Variants in MKI67 observed in about 807,000 individuals in gnomAD.
The protein encoded by MKI67 is marker of proliferation Ki-67, also known as proliferation marker protein Ki-67.
Under a neutral mutation model 233.5 loss-of-function variants are expected in MKI67, and 152 were observed. The observed-to-expected ratio is 0.65, with a 90% confidence interval of 0.57 to 0.74. The LOEUF (loss-of-function observed/expected upper bound fraction) is 0.74. Ranked by LOEUF, MKI67 falls within the 30% of genes least tolerant of loss-of-function variation. The pLI is 0.00. For synonymous variants in MKI67, 1,465 were observed against 1,418.5 expected (o/e 1.03, Z -0.74); for missense variants, 3,940 against 3,885.2 (o/e 1.01, Z -0.37).
chr10:128,112,655 G>T (rs1819887555), intron 8 of MKI67, among the ~76,000 whole-genome samples: 1 of 152,198 alleles, frequency 6.6e-6, no homozygotes, highest in Non-Finnish European at 1.5e-5. Flanking sequence ...TCTGAAGTGA[G>T]GTCATTTCAG....
rs758221921 is a variant in MKI67, at chr10:128,112,383, T to C, written c.1719A>G (p.Ala573=). 2 of 1,614,242 alleles carry C rather than the reference T, an allele frequency of 1.2e-6. No individual in the cohort carries two copies. Among genetic ancestry groups the C allele is most frequent in the East Asian group, 4.5e-5 (2 of 44,890 alleles). The change falls in exon 9 of 15, where the codon GCA becomes GCG. Residue 573 remains alanine, a synonymous_variant. Transcript: ENST00000368654. ...CTGGAGGGCTTATAACCAAGCTTTG[T>C]GCCTTCACTTCCACATGGATTTCTG... ...SGSEIHVEVK[A]QSLVISPPAP...
intron 2 of MKI67, among the ~76,000 whole-genome samples, chr10:128,123,580 T>C (rs1331561002): frequency 3.9e-5 from 6 of 152,250 alleles, no homozygotes; most frequent in Non-Finnish European, 2.9e-5. Flanking sequence ...ATGTGCTTAT[T>C]TGATGCTAGC....
intron 4 of MKI67, among the ~76,000 whole-genome samples, chr10:128,121,049 G>A (rs1349778053): frequency 6.6e-6 from 1 of 151,988 alleles, no homozygotes; most frequent in Non-Finnish European, 1.5e-5. Context: ...AAGGAAATTA[G>A]TTTAACCATA....
At chr10:128,100,928 G>C (rs1401169642) in intron 14 of MKI67, among the ~76,000 whole-genome samples, 1 of 152,198 alleles carries the variant, frequency 6.6e-6, no homozygotes. Flanking sequence ...TTGAACTACA[G>C]AAAGGCTGAA....
intron 11 of MKI67, 100 bp from the exon 12 acceptor site, chr10:128,110,633 G>A: frequency 1.2e-6 from 1 of 830,878 alleles, no homozygotes; most frequent in Non-Finnish European, 1.8e-6. Context: ...GGAAATAACA[G>A]TAGATTCCTC....
chr10:128,117,583 T>C (rs892832466), intron 5 of MKI67, among the ~76,000 whole-genome samples: 2 of 152,252 alleles, frequency 1.3e-5, no homozygotes, highest in Non-Finnish European at 2.9e-5. Flanking sequence ...ATCTGGATTA[T>C]TAAGAAAATA....
rs575327091 is a variant in MKI67 at position 128,125,718 on chromosome 10, C to A, written c.-51G>T. ...TCCGTAGGGGAAGGCCAGGTATAAT[C>A]CGTAGGGGAAGGCCAGAAGCAAATT... On this transcript the variant is annotated 5_prime_UTR_variant, in exon 2 of 15. Transcript: ENST00000368654. This position sits in a 1 kb window ranked among gnomAD's most constrained non-coding sequence, Gnocchi z 5.3. The A allele has an allele frequency of 4.7e-6, 7 of 1,493,470 alleles. No homozygotes were observed. In the African/African-American group the frequency reaches 6.9e-5, roughly 15 times the overall value. The allele number at this position is 1,493,470 out of a possible 1,614,324, so 92.5% of individuals were successfully genotyped here.
chr10:128,112,513 A>G lies in MKI67; in HGVS notation c.1657-68T>C, dbSNP rs1254527569. On this transcript the variant is annotated intron_variant, in intron 8 of 14. Transcript: ENST00000368654. ...TAACATCTCTGGAATGACTGATAAA[A>G]ACCTATTCAGTTAAGAATTTCAGCT... 3 of 1,428,134 alleles carry G rather than the reference A, an allele frequency of 2.1e-6. No homozygotes were observed. The African/African-American group carries it at 4.3e-5, about 20-fold the overall frequency. The allele number at this position is 1,428,134 out of a possible 1,614,324, so 88.5% of individuals were successfully genotyped here.
Position 128,106,053 on chromosome 10 carries a change from G to T in MKI67, c.5787C>A (p.Asp1929Glu), listed in dbSNP as rs200682887. 1 of 1,614,040 alleles carries T rather than the reference G, an allele frequency of 6.2e-7. No individual in the cohort carries two copies. Among genetic ancestry groups the T allele is most frequent in the African/African-American group, 1.3e-5 (1 of 74,966 alleles). ...TFVGTPVEKL[D>E]LLGNLPGSKR... ...TGCTGCCAGGTAAATTTCCTAGCAG[G>T]TCCAGTTTCTCCACTGGAGTCCCCA... The change falls in exon 13 of 15, where the codon GAC becomes GAA. Residue 1929 changes from aspartate (D) to glutamate (E), a missense_variant. Transcript: ENST00000368654.
chr10:128,108,005 C>T lies in MKI67; in HGVS notation c.3835G>A (p.Glu1279Lys). 1.2e-6 allele frequency: 2 copies of T among 1,613,640 alleles called. No individual in the cohort carries two copies. The highest frequency in any genetic ancestry group is 1.1e-5 in the South Asian group (1 of 91,054). ...TTCCTGCACGCTAAGAGTTCTCCCTCTACATCTGCTTTCCTGATACTTCTC... is the reference window on the plus strand; with the variant it reads ...TTCCTGCACGCTAAGAGTTCTCCCTTTACATCTGCTTTCCTGATACTTCTC... ...PKRSIRKADV[E>K]GELLACRNLM... Residue 1279 changes from glutamate (E) to lysine (K), a missense_variant, in exon 13 of 15, where the codon GAG becomes AAG. Physicochemically the swap from Glu to Lys is moderately conservative, Grantham distance 56. Transcript: ENST00000368654.
Position 128,107,899 on chromosome 10 carries a change from C to T in MKI67, c.3941G>A (p.Gly1314Glu). 2 of 1,613,320 alleles carry T rather than the reference C, an allele frequency of 1.2e-6. No homozygotes were observed. The highest frequency in any genetic ancestry group is 1.7e-6 in the Non-Finnish European group (2 of 1,179,904). ...GEEKDIIIFV[G>E]TPVQKLDLTE... Reference sequence around the variant, plus strand: ...CAGGTCCAGTTTCTGCACTGGAGTTCCCACAAATATGATGATGTCTTTCTC... The same window carrying T: ...CAGGTCCAGTTTCTGCACTGGAGTTTCCACAAATATGATGATGTCTTTCTC... The change falls in exon 13 of 15, where the codon GGA (glycine) becomes GAA (glutamate). Residue 1314 changes from glycine (G) to glutamate (E), a missense_variant. Transcript: ENST00000368654.
intron 4 of MKI67, among the ~76,000 whole-genome samples, chr10:128,121,673 A>G (rs1296741989): frequency 6.7e-6 from 1 of 149,838 alleles, no homozygotes; most frequent in Non-Finnish European, 1.5e-5. Flanking sequence ...GATTAGTAAG[A>G]TAATTAGCCA....
In MKI67 at chr10:128,106,917, G is replaced by T; in HGVS notation, c.4923C>A (p.Gly1641=). The change falls in exon 13 of 15, where the codon GGC becomes GGA. Residue 1641 remains glycine, a synonymous_variant. Coordinates refer to ENST00000368654, the MANE Select transcript of MKI67 (RefSeq NM_002417.5). The part of the protein sequence containing the change: ...RRLKTSLGKV[G]VKEELLAVGK... The stretch of plus-strand genomic sequence containing the variant: ...CAACTGCTAGGAGCTCTTCTTTCAC[G>T]CCCACTTTCCCCAGGGATGTCTTGA... 1 of 1,614,046 alleles carries T rather than the reference G, an allele frequency of 6.2e-7. No individual in the cohort carries two copies. Among genetic ancestry groups the T allele is most frequent in the Non-Finnish European group, 8.5e-7 (1 of 1,180,006 alleles).
rs1315490549 is a variant in MKI67 at position 128,104,095 on chromosome 10, GT to G, written c.7744del (p.Thr2582GlnfsTer12). 6.2e-7 allele frequency: 1 copy of G among 1,614,006 alleles called. No homozygotes were observed. Among genetic ancestry groups the G allele is most frequent in the Non-Finnish European group, 8.5e-7 (1 of 1,180,008 alleles). ...TGGGGGAGATTTGCAGGGAATTTTT[GT>G]GTTTTTGTCAATAGTCATTGACTCT... ...TEESMTIDKN[T>X]KIPCKSPPPE... On this transcript the variant is annotated frameshift_variant, in exon 13 of 15. Coordinates refer to ENST00000368654, the MANE Select transcript of MKI67 (RefSeq NM_002417.5). LOFTEE classifies it high-confidence loss of function.
chr10:128,109,687 G>T (rs1196650921), intron 12 of MKI67, among the ~76,000 whole-genome samples: 18 of 152,170 alleles, frequency 1.2e-4, no homozygotes, highest in East Asian at 3.8e-4. Flanking sequence ...GCTTCAGAAG[G>T]TTCCTCCAAA....
In MKI67 at chr10:128,102,777, A is replaced by C; in HGVS notation, c.9063T>G (p.Ile3021Met). 6.2e-7 allele frequency: 1 copy of C among 1,614,008 alleles called. No homozygotes were observed. Among genetic ancestry groups the C allele is most frequent in the Non-Finnish European group, 8.5e-7 (1 of 1,180,004 alleles). ...TCTTGCTGGCTGGCAGCTCCTCCACAATTTCCTCTGGTGCTGGCATGCAGC... is the reference window on the plus strand; with the variant it reads ...TCTTGCTGGCTGGCAGCTCCTCCACCATTTCCTCTGGTGCTGGCATGCAGC... ...RLRCMPAPEE[I>M]VEELPASKKQ... The change falls in exon 13 of 15, where the codon ATT becomes ATG. Residue 3021 changes from isoleucine (I) to methionine (M), a missense_variant. Transcript: ENST00000368654.
Position 128,101,188 on chromosome 10 carries a change from G to T in MKI67, c.9705+70C>A. ...AAGATAATGCTTTTTGTTTGCCTTT[G>T]CAACCTTGGGCAAAAAATACATCAA... On this transcript the variant is annotated intron_variant, in intron 14 of 14. Coordinates refer to ENST00000368654, the MANE Select transcript of MKI67 (RefSeq NM_002417.5). 19 of 1,495,582 alleles carry T rather than the reference G, an allele frequency of 1.3e-5. No individual in the cohort carries two copies. In the Admixed American group the frequency reaches 1.5e-4, roughly 12 times the overall value. The allele number at this position is 1,495,582 out of a possible 1,614,324, so 92.6% of individuals were successfully genotyped here.
Position 128,109,410 on chromosome 10 carries a change from G to T in MKI67, c.2430C>A (p.Phe810Leu). 6.2e-7 allele frequency: 1 copy of T among 1,607,372 alleles called. No individual in the cohort carries two copies. The highest frequency in any genetic ancestry group is 8.5e-7 in the Non-Finnish European group (1 of 1,176,220). ...GTTTTGCTGCATTCTGTGCACTGAA[G>T]AACACATTTCCTCCTGAAATAAAAA... ...PTSESFGGNV[F>L]FSAQNAAKQP... Residue 810 changes from phenylalanine (F) to leucine (L), a missense_variant, in exon 13 of 15, where the codon TTC (phenylalanine) becomes TTA (leucine). Transcript: ENST00000368654.
intron 14 of MKI67, 75 bp downstream of exon 14, chr10:128,101,183 C>A: frequency 6.9e-7 from 1 of 1,450,596 alleles, no homozygotes; most frequent in Non-Finnish European, 9.4e-7. Flanking sequence ...TTTTTGTTTG[C>A]CTTTGCAACC....
Sources: allele counts gnomAD v4.1 joint callset (sites outside exome capture counted in the v4.1 genomes callset), GRCh38; gene constraint gnomAD v4.1.1; non-coding constraint Gnocchi (gnomAD v3.1); transcripts MANE v1.5; gene names NCBI Gene and HGNC (gene_info 2026-07-23, HGNC 2026-07-21).